The following LRRC4C variants were observed in gnomAD, a reference collection of about 807,000 sequenced individuals.
The protein encoded by LRRC4C is leucine rich repeat containing 4C.
LRRC4C carries 5 observed loss-of-function variants against 33.6 expected under a neutral mutation model. The observed-to-expected ratio is 0.15, with a 90% CI of 0.08 to 0.31. The LOEUF (loss-of-function observed/expected upper bound fraction) is 0.31, where lower values mean the gene tolerates loss of function less well. Ranked by LOEUF, LRRC4C falls within the 10% of genes least tolerant of loss-of-function variation. The pLI is 1.00. For missense variants in LRRC4C, 560 were observed against 796.7 expected, an observed-to-expected ratio of 0.70 and a Z score of 3.58; for synonymous variants, 329 against 302.0, an observed-to-expected ratio of 1.09 and a Z score of -0.93.
At chr11:40,297,814 T>C (rs533055061) in intron 4 of LRRC4C, among the ~76,000 whole-genome samples, 1 of 152,280 alleles carries the variant, frequency 6.6e-6, no homozygotes, top group South Asian at 2.1e-4. Context: ...ATTGATGAAA[T>C]TGGACTTGAG....
intron 2 of LRRC4C, among the ~76,000 whole-genome samples, chr11:40,764,580 C>T (rs1949364453): frequency 6.6e-6 from 1 of 152,012 alleles, no homozygotes; most frequent in Non-Finnish European, 1.5e-5. Flanking sequence ...CTGTATTCTC[C>T]ACTTACTGAC....
chr11:41,148,387 T>C lies in LRRC4C; in HGVS notation c.-495-214664A>G, dbSNP rs1788369883. Among the ~76,000 whole-genome samples, 8 of 152,174 alleles carry C rather than the reference T, an allele frequency of 5.3e-5. 1 individual carries two copies. The South Asian group carries it at 1.5e-3, about 28-fold the overall frequency. On this transcript the variant is annotated intron_variant, in intron 1 of 6. Coordinates refer to ENST00000528697, the MANE Select transcript of LRRC4C (RefSeq NM_001258419.2). ...GCCTGGGCAACAGAGCAAGGCCTTA[T>C]CTAAATAAGTAAATTAAAAAATAAA...
chr11:40,702,152 C>A (rs1301318982), intron 2 of LRRC4C, among the ~76,000 whole-genome samples: 1 of 151,918 alleles, frequency 6.6e-6, no homozygotes, highest in East Asian at 1.9e-4. Context: ...GTTTTGAAAG[C>A]TGTTGATGGT....
At chr11:40,815,124 G>C (rs1489873244) in intron 2 of LRRC4C, among the ~76,000 whole-genome samples, 1 of 152,098 alleles carries the variant, frequency 6.6e-6, no homozygotes, top group African/African-American at 2.4e-5. Context: ...ATTTATAAAG[G>C]AAAGAGGTTT....
intron 2 of LRRC4C, among the ~76,000 whole-genome samples, chr11:40,824,063 C>T (rs1310641384): frequency 4.6e-5 from 7 of 151,896 alleles, no homozygotes; most frequent in Non-Finnish European, 1.0e-4. Context: ...TGTTGTCTGA[C>T]TTAATAAACG....
intron 1 of LRRC4C, among the ~76,000 whole-genome samples, chr11:41,033,569 C>G (rs527474982): frequency 7.2e-5 from 11 of 152,042 alleles, no homozygotes; most frequent in African/African-American, 1.9e-4. Flanking sequence ...TGGGAATCCT[C>G]TGAGTCCCAG....
chr11:40,386,979 A>G (rs1409484196), intron 3 of LRRC4C, among the ~76,000 whole-genome samples: 1 of 152,082 alleles, frequency 6.6e-6, no homozygotes, highest in African/African-American at 2.4e-5. Flanking sequence ...ACTGACTGAT[A>G]TGATTTAATT....
At chr11:40,728,200 A>C (rs1947382998) in intron 2 of LRRC4C, among the ~76,000 whole-genome samples, 1 of 152,162 alleles carries the variant, frequency 6.6e-6, no homozygotes, top group East Asian at 1.9e-4. Flanking sequence ...CTTGGTGGGA[A>C]TGTAAATCAG....
intron 1 of LRRC4C, among the ~76,000 whole-genome samples, chr11:40,964,878 A>G (rs1851231664): frequency 6.6e-6 from 1 of 152,036 alleles, no homozygotes; most frequent in South Asian, 2.1e-4. Context: ...TCCTTTGGGT[A>G]TATACCCAGT....
chr11:40,251,191 A>G (rs1866761888), intron 4 of LRRC4C, among the ~76,000 whole-genome samples: 1 of 152,222 alleles, frequency 6.6e-6, no homozygotes, highest in African/African-American at 2.4e-5. Flanking sequence ...TTTAGTGGTC[A>G]CTTGCTATTG....
intron 1 of LRRC4C, among the ~76,000 whole-genome samples, chr11:41,364,607 A>G (rs1952470604): frequency 6.6e-6 from 1 of 152,222 alleles, no homozygotes; most frequent in Non-Finnish European, 1.5e-5. Flanking sequence ...GTCAAATGCA[A>G]TAAGAAAGTT....
intron 1 of LRRC4C, among the ~76,000 whole-genome samples, chr11:41,413,305 G>A (rs1954560895): frequency 6.6e-6 from 1 of 152,256 alleles, no homozygotes; most frequent in Middle Eastern, 3.4e-3. Context: ...AAACCACCAT[G>A]TGGTTTTACT....
chr11:40,944,424 C>G (rs1199530715), intron 1 of LRRC4C, among the ~76,000 whole-genome samples: 3 of 152,146 alleles, frequency 2.0e-5, no homozygotes, highest in African/African-American at 7.2e-5. Context: ...AACACAGATA[C>G]ATTTTTGAAG....
At chr11:40,945,155 G>A (rs562241325) in intron 1 of LRRC4C, among the ~76,000 whole-genome samples, 7 of 147,516 alleles carry the variant, frequency 4.7e-5, no homozygotes, top group African/African-American at 1.5e-4. Context: ...TCAGCCTCCC[G>A]AGTAGCTGGG....
intron 1 of LRRC4C, among the ~76,000 whole-genome samples, chr11:41,220,533 TACACACAC>T (rs3067232): frequency 1.1e-4 from 16 of 144,340 alleles, no homozygotes; most frequent in African/African-American, 2.8e-4. Flanking sequence ...CACACAGACA[TACACACAC>T]ACACACACAC....
chr11:41,144,062 A>G (rs1943627497), intron 1 of LRRC4C, among the ~76,000 whole-genome samples: 1 of 152,166 alleles, frequency 6.6e-6, no homozygotes, highest in African/African-American at 2.4e-5. Flanking sequence ...AAACCAAAGG[A>G]TGGCCAGGGA....
intron 1 of LRRC4C, among the ~76,000 whole-genome samples, chr11:40,941,283 A>C (rs1235402252): frequency 2.0e-5 from 3 of 152,190 alleles, no homozygotes; most frequent in Non-Finnish European, 4.4e-5. Flanking sequence ...GAAACATTCT[A>C]CATCCCACTC....
At chr11:40,974,677 A>G (rs355213) in intron 1 of LRRC4C, among the ~76,000 whole-genome samples, 149,865 of 152,320 alleles carry the variant, frequency 0.98, 73,769 homozygotes, top group Middle Eastern at 1. Flanking sequence ...GTGTCTGAGA[A>G]GGTGTTTCCA....
chr11:40,948,927 C>T (rs898766795), intron 1 of LRRC4C, among the ~76,000 whole-genome samples: 11 of 152,076 alleles, frequency 7.2e-5, no homozygotes, highest in Admixed American at 4.6e-4. Context: ...GTTCTAGATC[C>T]CTGAGGAATT....
Sources: gnomAD v4.1 joint callset for allele counts (sites outside exome capture counted in the v4.1 genomes callset) on GRCh38, gnomAD v4.1.1 for gene constraint, MANE v1.5 for transcripts, NCBI Gene and HGNC (gene_info 2026-07-23, HGNC 2026-07-21) for gene names.